Variants in PIK3AP1 observed in about 807,000 individuals in gnomAD.
PIK3AP1 encodes the protein phosphoinositide 3-kinase adapter protein 1.
A neutral mutation model predicts 88.1 loss-of-function variants in PIK3AP1; 21 were observed. The observed-to-expected ratio is 0.24, with a 90% CI of 0.17 to 0.34. The LOEUF (loss-of-function observed/expected upper bound fraction) is 0.34. Ranked by LOEUF, PIK3AP1 falls within the 10% of genes least tolerant of loss-of-function variation. The pLI, the probability that PIK3AP1 is intolerant of heterozygous loss-of-function variation, is 1.00. For synonymous variants in PIK3AP1, 398 were observed against 400.0 expected (o/e 1.00, Z 0.06); for missense variants, 828 against 1,035.7 (o/e 0.80, Z 2.75).
At chr10:96,667,160 G>C (rs1042526638) in intron 2 of PIK3AP1, among the ~76,000 whole-genome samples, 1 of 152,216 alleles carries the variant, frequency 6.6e-6, no homozygotes, top group South Asian at 2.1e-4. Flanking sequence ...CCATGCCCTA[G>C]TGGCCTCCAA....
chr10:96,601,294 C>T (rs532893095), intron 16 of PIK3AP1, among the ~76,000 whole-genome samples: 3 of 151,528 alleles, frequency 2.0e-5, no homozygotes, highest in Non-Finnish European at 4.4e-5. Flanking sequence ...GTCAAAATGG[C>T]GAAACCCTGT....
intron 2 of PIK3AP1, among the ~76,000 whole-genome samples, chr10:96,659,697 T>C (rs1158008017): frequency 1.4e-5 from 2 of 138,950 alleles, no homozygotes; most frequent in Non-Finnish European, 3.1e-5. Flanking sequence ...ACTCTGTCTC[T>C]ACCAAAAAAA....
intron 2 of PIK3AP1, among the ~76,000 whole-genome samples, chr10:96,664,920 C>T (rs1293518877): frequency 7.0e-6 from 1 of 142,956 alleles, no homozygotes; most frequent in East Asian, 1.9e-4. Flanking sequence ...AAAGGAAATG[C>T]CCACTCAGAC....
intron 8 of PIK3AP1, among the ~76,000 whole-genome samples, chr10:96,634,152 C>T (rs984350926): frequency 3.9e-5 from 6 of 152,314 alleles, no homozygotes; most frequent in East Asian, 3.9e-4. Flanking sequence ...GGCACCACTC[C>T]GTGCCACCAG....
intron 1 of PIK3AP1, among the ~76,000 whole-genome samples, chr10:96,710,394 G>A (rs1844423989): frequency 6.6e-6 from 1 of 151,934 alleles, no homozygotes; most frequent in South Asian, 2.1e-4. Flanking sequence ...GCTAATTTTT[G>A]TAGTTTTAGT....
At chr10:96,673,867 A>G (rs545055854) in intron 2 of PIK3AP1, among the ~76,000 whole-genome samples, 24 of 152,352 alleles carry the variant, frequency 1.6e-4, no homozygotes, top group Non-Finnish European at 2.9e-4. Context: ...TCAATGGTCA[A>G]AGTCCCAGGA....
intron 1 of PIK3AP1, among the ~76,000 whole-genome samples, chr10:96,718,085 T>C (rs147751050): frequency 1.3e-5 from 2 of 152,278 alleles, no homozygotes; most frequent in Non-Finnish European, 2.9e-5. Flanking sequence ...ATTCCATTCA[T>C]ATACAAGCCC....
At chr10:96,698,992 A>G (rs988439989) in intron 2 of PIK3AP1, among the ~76,000 whole-genome samples, 2 of 152,126 alleles carry the variant, frequency 1.3e-5, no homozygotes, top group African/African-American at 4.8e-5. Flanking sequence ...AGCCTGGCCA[A>G]CATAGAGAAA....
chr10:96,618,914 C>G (rs1843037671), intron 12 of PIK3AP1: 1 of 152,256 alleles, frequency 6.6e-6, no homozygotes, highest in African/African-American at 2.4e-5. Context: ...GTGATTCCTG[C>G]ATTCAGCTCT....
In PIK3AP1 at chr10:96,604,112, A is replaced by G. The variant is rs141210458; in HGVS notation, c.2171-63T>C. The stretch of plus-strand genomic sequence containing the variant: ...CTTTCAGGCTAAAATAAAATAGAGA[A>G]CTCTAGAACTTATTTAGTTTTATTG... On this transcript the variant is annotated intron_variant, in intron 14 of 16. Transcript: ENST00000339364. 5 of 1,295,246 alleles carry G rather than the reference A, an allele frequency of 3.9e-6. No homozygotes were observed. In the African/African-American group the frequency reaches 7.6e-5, roughly 20 times the overall value. 80.2% of individuals were successfully genotyped at this position (1,295,246 alleles called of 1,614,324 possible).
chr10:96,595,732 G>T, intron 16 of PIK3AP1, 98 bp from the exon 17 acceptor site: 1 of 1,157,312 alleles, frequency 8.6e-7, no homozygotes, highest in Non-Finnish European at 1.3e-6. Flanking sequence ...ACTATGCAAA[G>T]GACACAATCC....
chr10:96,637,194 T>A lies in PIK3AP1; in HGVS notation c.1375+8279A>T, dbSNP rs575897966. Among the ~76,000 whole-genome samples, 3 of 152,208 alleles carry A rather than the reference T, an allele frequency of 2.0e-5. No individual in the cohort carries two copies. In the South Asian group the frequency reaches 6.2e-4, roughly 32 times the overall value. On this transcript the variant is annotated intron_variant, in intron 8 of 16. Coordinates refer to ENST00000339364, the MANE Select transcript of PIK3AP1 (RefSeq NM_152309.3). ...AGAACCTGGAACACAATGGGTCAGTTTGCCTCCAGGTAGAATGGTTTGACT... is the reference window on the plus strand; with the variant it reads ...AGAACCTGGAACACAATGGGTCAGTATGCCTCCAGGTAGAATGGTTTGACT...
intron 2 of PIK3AP1, among the ~76,000 whole-genome samples, chr10:96,705,709 A>T (rs1005952348): frequency 1.3e-5 from 2 of 151,264 alleles, no homozygotes; most frequent in South Asian, 4.2e-4. Context: ...CAGCCTCCCA[A>T]GTAGCTAGGA....
At chr10:96,656,115 A>G (rs1230058198) in intron 3 of PIK3AP1, among the ~76,000 whole-genome samples, 1 of 152,232 alleles carries the variant, frequency 6.6e-6, no homozygotes, top group African/African-American at 2.4e-5. Context: ...AAGAGCTTGT[A>G]TCCATAAAGG....
At chr10:96,716,236 C>T (rs563771896) in intron 1 of PIK3AP1, among the ~76,000 whole-genome samples, 5 of 152,270 alleles carry the variant, frequency 3.3e-5, no homozygotes, top group African/African-American at 1.2e-4. Flanking sequence ...GAGCCCAGGT[C>T]GTACCACTGC....
chr10:96,694,175 T>C (rs1186104232), intron 2 of PIK3AP1, among the ~76,000 whole-genome samples: 1 of 152,182 alleles, frequency 6.6e-6, no homozygotes, highest in Non-Finnish European at 1.5e-5. Flanking sequence ...TGGATACTCC[T>C]GGCATTAAGT....
intron 10 of PIK3AP1, among the ~76,000 whole-genome samples, chr10:96,626,059 C>A (rs1317030923): frequency 6.6e-6 from 1 of 152,156 alleles, no homozygotes; most frequent in Non-Finnish European, 1.5e-5. Context: ...TTCTAATACT[C>A]TTATAGTACT....
At chr10:96,708,703 G>T (rs927997029) in intron 2 of PIK3AP1, among the ~76,000 whole-genome samples, 11 of 151,944 alleles carry the variant, frequency 7.2e-5, no homozygotes, top group Non-Finnish European at 1.5e-4. Context: ...ACTTCCTGGG[G>T]CCACTGAAGT....
intron 8 of PIK3AP1, among the ~76,000 whole-genome samples, chr10:96,628,873 C>CATATATAT (rs1564961127): frequency 0.032 from 708 of 22,380 alleles, 128 homozygotes; most frequent in East Asian, 0.082. Context: ...CACATATATA[C>CATATATAT]ACATATATAT....
Sources: allele counts gnomAD v4.1 joint callset (sites outside exome capture counted in the v4.1 genomes callset), GRCh38; gene constraint gnomAD v4.1.1; transcripts MANE v1.5; gene names NCBI Gene and HGNC (gene_info 2026-07-23, HGNC 2026-07-21).